Variants in RBFOX1 observed in about 807,000 individuals in gnomAD.
RBFOX1 encodes the protein RNA binding protein fox-1 homolog 1.
In RBFOX1, 8 loss-of-function variants were observed where a neutral mutation model predicts 57.7. The observed-to-expected ratio is 0.14, with a 90% CI of 0.08 to 0.25. The LOEUF is 0.25. Ranked by LOEUF, RBFOX1 falls within the 10% of genes least tolerant of loss-of-function variation. The pLI is 1.00. For missense variants in RBFOX1, 611 were observed against 548.5 expected, an observed-to-expected ratio of 1.11 and a Z score of -1.14; for synonymous variants, 326 against 222.4, an observed-to-expected ratio of 1.47 and a Z score of -4.15.
chr16:7,663,453 G>A (rs2068304865), intron 12 of RBFOX1, among the ~76,000 whole-genome samples: 1 of 152,092 alleles, frequency 6.6e-6, no homozygotes, highest in Non-Finnish European at 1.5e-5. Context: ...CAGCACACTA[G>A]AGTGTTCTCC....
In RBFOX1 at chr16:7,013,159, G is replaced by A. The variant is rs955893842; in HGVS notation, c.-15-38898G>A. ...TAGGGATTTCACATACAAATTTGTGGTGTAATGCTCTGATACTCATTGGCT... is the reference window on the plus strand; with the variant it reads ...TAGGGATTTCACATACAAATTTGTGATGTAATGCTCTGATACTCATTGGCT... On this transcript the variant is annotated intron_variant, in intron 3 of 15. Transcript: ENST00000550418. Among the ~76,000 whole-genome samples the A allele has an allele frequency of 6.6e-5, 10 of 152,270 alleles. 1 individual carries two copies. The highest frequency in any genetic ancestry group is 5.2e-4 in the Admixed American group (8 of 15,296).
chr16:7,344,782 G>T (rs1245568360), intron 4 of RBFOX1, among the ~76,000 whole-genome samples: 10 of 152,204 alleles, frequency 6.6e-5, no homozygotes, highest in Middle Eastern at 3.2e-3. Context: ...TCTGGCTGCA[G>T]AGCCCGTCCT....
intron 4 of RBFOX1, among the ~76,000 whole-genome samples, chr16:7,158,480 C>T (rs763632019): frequency 6.6e-6 from 1 of 152,060 alleles, no homozygotes; most frequent in African/African-American, 2.4e-5. Context: ...TTTCAGATTT[C>T]CCTAGTTAAA....
chr16:5,876,889 A>G (rs1323082217), intron 4 of RBFOX1, among the ~76,000 whole-genome samples: 2 of 152,126 alleles, frequency 1.3e-5, no homozygotes, highest in Non-Finnish European at 2.9e-5. Flanking sequence ...GGAGAGACAG[A>G]CTCAGCCACA....
intron 2 of RBFOX1, among the ~76,000 whole-genome samples, chr16:6,620,536 A>G (rs1346290584): frequency 6.6e-6 from 1 of 152,212 alleles, no homozygotes; most frequent in African/African-American, 2.4e-5. Flanking sequence ...AAACCATTCA[A>G]AAGATCAATG....
intron 2 of RBFOX1, among the ~76,000 whole-genome samples, chr16:6,405,040 T>A (rs1031376932): frequency 2.0e-5 from 3 of 152,222 alleles, no homozygotes; most frequent in South Asian, 4.1e-4. Flanking sequence ...CTGCTAAGTA[T>A]TTATGCCTGC....
At chr16:6,660,970 A>C (rs887969490) in intron 3 of RBFOX1, among the ~76,000 whole-genome samples, 5 of 152,168 alleles carry the variant, frequency 3.3e-5, no homozygotes, top group Non-Finnish European at 1.5e-5. Context: ...TGCCAAGTCC[A>C]GGTAGGAAAT....
At chr16:5,363,558 C>A (rs367973479) in intron 1 of RBFOX1, among the ~76,000 whole-genome samples, 12 of 152,320 alleles carry the variant, frequency 7.9e-5, no homozygotes, top group African/African-American at 2.9e-4. Context: ...CTTTCTCCCC[C>A]TGATTGGGGA....
intron 2 of RBFOX1, among the ~76,000 whole-genome samples, chr16:5,519,236 A>G (rs2151740313): frequency 6.6e-6 from 1 of 152,344 alleles, no homozygotes; most frequent in East Asian, 1.9e-4. Flanking sequence ...GAAATTGGCA[A>G]GTTTTGAGTG....
At chr16:6,728,684 G>T (rs1176659470) in intron 3 of RBFOX1, among the ~76,000 whole-genome samples, 3 of 152,046 alleles carry the variant, frequency 2.0e-5, no homozygotes, top group Non-Finnish European at 2.9e-5. Context: ...AATAAAATTG[G>T]GTTTTCATGA....
At chr16:7,414,809 G>T (rs1050729960) in intron 4 of RBFOX1, among the ~76,000 whole-genome samples, 1 of 152,060 alleles carries the variant, frequency 6.6e-6, no homozygotes, top group African/African-American at 2.4e-5. Flanking sequence ...GTAGAGATGG[G>T]GTTTTGCCAT....
In RBFOX1 at chr16:5,953,699, C is replaced by G. The variant is rs907280707; in HGVS notation, c.351+86364C>G. ...TTCATTTTTAGGGCTAAGTAGTCTT[C>G]TGTCTTATATATATATATATATATA... On this transcript the variant is annotated intron_variant, in intron 4 of 19. Transcript: ENST00000641259. Among the ~76,000 whole-genome samples, 4 of 124,612 alleles carry G rather than the reference C, an allele frequency of 3.2e-5. No individual in the cohort carries two copies. In the Admixed American group the frequency reaches 3.3e-4, roughly 10 times the overall value. The allele number at this position is 124,612 out of a possible 152,430, so 81.8% of individuals were successfully genotyped here. A position where few individuals can be genotyped will look rare whatever the true frequency, so the allele number is the denominator to read the frequency against.
At chr16:5,531,164 G>A (rs1034199740) in intron 2 of RBFOX1, among the ~76,000 whole-genome samples, 1 of 151,854 alleles carries the variant, frequency 6.6e-6, no homozygotes, top group Non-Finnish European at 1.5e-5. Context: ...CACAGTCCAG[G>A]TGGTCTGGGA....
At chr16:6,945,071 G>A (rs1016705113) in intron 3 of RBFOX1, among the ~76,000 whole-genome samples, 4 of 152,132 alleles carry the variant, frequency 2.6e-5, no homozygotes, top group African/African-American at 4.8e-5. Flanking sequence ...GAGGGTTTGT[G>A]AAGACAGAGC....
At chr16:6,214,649 GGGA>G (rs2097321244) in intron 1 of RBFOX1, among the ~76,000 whole-genome samples, 1 of 130,166 alleles carries the variant, frequency 7.7e-6, no homozygotes, top group African/African-American at 2.9e-5. Flanking sequence ...GAGAGGGACA[GGGA>G]GAGAGGGAGA....
intron 4 of RBFOX1, among the ~76,000 whole-genome samples, chr16:7,342,905 G>A (rs546408207): frequency 1.3e-5 from 2 of 152,168 alleles, no homozygotes; most frequent in African/African-American, 2.4e-5. Context: ...AGTAGAGTCG[G>A]AAGTTAATTA....
At chr16:7,543,165 G>C (rs1272348527) in intron 5 of RBFOX1, among the ~76,000 whole-genome samples, 2 of 152,162 alleles carry the variant, frequency 1.3e-5, no homozygotes, top group African/African-American at 2.4e-5. Flanking sequence ...GTGTTTAACA[G>C]ACACAACTCC....
intron 3 of RBFOX1, among the ~76,000 whole-genome samples, chr16:5,823,668 A>G (rs537258250): frequency 9.2e-5 from 14 of 152,234 alleles, no homozygotes; most frequent in Middle Eastern, 3.4e-3. Context: ...GCAGCATTAG[A>G]TTATCATAGG....
intron 5 of RBFOX1, 63 bp downstream of exon 5, chr16:7,518,452 G>C: frequency 6.5e-7 from 1 of 1,537,906 alleles, no homozygotes; most frequent in Non-Finnish European, 8.8e-7. Context: ...CCTGGTAATG[G>C]CAGCGGGGGT....
Sources: gnomAD v4.1 joint callset for allele counts (sites outside exome capture counted in the v4.1 genomes callset) on GRCh38, gnomAD v4.1.1 for gene constraint, MANE v1.5 for transcripts, NCBI Gene and HGNC (gene_info 2026-07-23, HGNC 2026-07-21) for gene names.